The following EYS variants were observed in gnomAD, a reference collection of about 807,000 sequenced individuals.
EYS encodes the protein protein eyes shut homolog.
A neutral mutation model predicts 282.1 loss-of-function variants in EYS; 250 were observed. The ratio of observed to expected loss-of-function variants is 0.89; its 90% CI spans 0.80 to 0.98. The LOEUF is 0.98. Among genes scored for constraint, EYS ranks in the 50% least tolerant of loss-of-function variants. EYS has a pLI of 0.00. For missense variants in EYS, 4,016 were observed against 3,709.0 expected (o/e 1.08, Z -2.15); for synonymous variants, 1,355 against 1,282.9 (o/e 1.06, Z -1.20).
At chr6:64,220,820 C>T (rs1766078083) in intron 31 of EYS, among the ~76,000 whole-genome samples, 2 of 152,054 alleles carry the variant, frequency 1.3e-5, no homozygotes, top group African/African-American at 4.8e-5. Context: ...TAGAATAGTT[C>T]AAAAAGCTTG....
intron 28 of EYS, among the ~76,000 whole-genome samples, chr6:64,391,296 G>A (rs1197326422): frequency 6.6e-6 from 1 of 151,800 alleles, no homozygotes; most frequent in South Asian, 2.1e-4. Flanking sequence ...TACTCCTCGA[G>A]AAGAGCAACT....
chr6:64,402,513 A>C (rs900607530), intron 28 of EYS, among the ~76,000 whole-genome samples: 1 of 152,174 alleles, frequency 6.6e-6, no homozygotes, highest in African/African-American at 2.4e-5. Flanking sequence ...GAAGCCATCA[A>C]GTTGCTAGGT....
intron 12 of EYS, among the ~76,000 whole-genome samples, chr6:65,211,145 C>G (rs897048060): frequency 1.3e-5 from 2 of 151,984 alleles, no homozygotes; most frequent in African/African-American, 4.8e-5. Context: ...ACCTATTACT[C>G]TTACAGATGG....
intron 15 of EYS, among the ~76,000 whole-genome samples, chr6:64,915,724 T>C (rs1050025849): frequency 6.6e-5 from 10 of 152,182 alleles, no homozygotes; most frequent in African/African-American, 1.9e-4. Flanking sequence ...CATCACATTT[T>C]AAAATTGTCA....
At chr6:64,599,016 C>A (rs1198302462) in intron 24 of EYS, among the ~76,000 whole-genome samples, 1 of 152,016 alleles carries the variant, frequency 6.6e-6, no homozygotes, top group Non-Finnish European at 1.5e-5. Context: ...TACACAAAAG[C>A]AAGATGGACA....
intron 30 of EYS, among the ~76,000 whole-genome samples, chr6:64,250,614 T>C (rs1323040725): frequency 2.0e-5 from 3 of 152,234 alleles, no homozygotes; most frequent in African/African-American, 7.2e-5. Context: ...ATCCAATAGC[T>C]TACATTGAAG....
At chr6:64,403,986 T>C (rs1324060721) in intron 28 of EYS, among the ~76,000 whole-genome samples, 2 of 152,180 alleles carry the variant, frequency 1.3e-5, no homozygotes, top group Non-Finnish European at 2.9e-5. Context: ...TGTGTAGGGC[T>C]TACCTTGAAA....
intron 12 of EYS, among the ~76,000 whole-genome samples, chr6:65,200,479 G>C (rs1201514718): frequency 6.6e-6 from 1 of 151,438 alleles, no homozygotes; most frequent in Non-Finnish European, 1.5e-5. Context: ...AGGGGTGGGG[G>C]CTTTCCAAGG....
intron 32 of EYS, among the ~76,000 whole-genome samples, chr6:64,071,116 T>C (rs1043092767): frequency 6.6e-5 from 10 of 152,066 alleles, no homozygotes; most frequent in Non-Finnish European, 2.9e-5. Context: ...GAAACCTGGG[T>C]TATCTGTTCC....
At chr6:65,349,035 G>A (rs1770502975) in intron 9 of EYS, among the ~76,000 whole-genome samples, 1 of 151,566 alleles carries the variant, frequency 6.6e-6, no homozygotes, top group African/African-American at 2.4e-5. Flanking sequence ...AATGTTTAAA[G>A]GTATAAACAA....
At chr6:64,296,111 A>T (rs575401886) in intron 30 of EYS, among the ~76,000 whole-genome samples, 9 of 152,160 alleles carry the variant, frequency 5.9e-5, no homozygotes, top group Non-Finnish European at 1.2e-4. Flanking sequence ...TTTTTAACTC[A>T]CCTTTAACAA....
At chr6:65,047,838 T>C (rs535210335) in intron 13 of EYS, among the ~76,000 whole-genome samples, 2 of 151,828 alleles carry the variant, frequency 1.3e-5, no homozygotes, top group Non-Finnish European at 2.9e-5. Context: ...TGAGTGGAGG[T>C]AGCTGAGTGG....
intron 26 of EYS, among the ~76,000 whole-genome samples, chr6:64,478,970 G>T (rs1000068156): frequency 5.9e-5 from 9 of 151,920 alleles, no homozygotes; most frequent in African/African-American, 2.2e-4. Flanking sequence ...AGGCAACCTT[G>T]TTAGATAGTA....
chr6:63,953,459 A>G (rs1765683075), intron 35 of EYS, among the ~76,000 whole-genome samples: 1 of 152,056 alleles, frequency 6.6e-6, no homozygotes. Context: ...TTTCTTCCTC[A>G]TCTGTTACGT....
chr6:65,526,688 C>T (rs1319665192), intron 2 of EYS, among the ~76,000 whole-genome samples: 1 of 152,118 alleles, frequency 6.6e-6, no homozygotes, highest in Admixed American at 6.5e-5. Flanking sequence ...CGCCTGTAGT[C>T]CCAGCTACTC....
intron 26 of EYS, among the ~76,000 whole-genome samples, chr6:64,495,675 T>G (rs1441385419): frequency 6.6e-6 from 1 of 151,900 alleles, no homozygotes; most frequent in East Asian, 1.9e-4. Flanking sequence ...AAATGAGCAA[T>G]GTAGACAAGA....
chr6:65,148,212 T>C (rs992886069), intron 12 of EYS, among the ~76,000 whole-genome samples: 1 of 152,100 alleles, frequency 6.6e-6, no homozygotes, highest in Non-Finnish European at 1.5e-5. Flanking sequence ...CAAAGTCTCA[T>C]CTGAGACAAG....
chr6:65,438,479 T>A (rs1768174474), intron 5 of EYS, among the ~76,000 whole-genome samples: 1 of 152,184 alleles, frequency 6.6e-6, no homozygotes, highest in African/African-American at 2.4e-5. Flanking sequence ...ACCAACAGTG[T>A]AAAAGTGTTC....
At chr6:64,282,953 A>G (rs539476961) in intron 30 of EYS, among the ~76,000 whole-genome samples, 9 of 152,288 alleles carry the variant, frequency 5.9e-5, no homozygotes, top group Admixed American at 5.2e-4. Context: ...CATATATATT[A>G]CATCATGTCT....
Sources: gnomAD v4.1 joint callset for allele counts (sites outside exome capture counted in the v4.1 genomes callset) on GRCh38, gnomAD v4.1.1 for gene constraint, MANE v1.5 for transcripts, NCBI Gene and HGNC (gene_info 2026-07-23, HGNC 2026-07-21) for gene names.